TP53AIP1: variants seen among roughly 807,000 people sequenced by gnomAD.
The protein encoded by TP53AIP1 is tumor protein p53 regulated apoptosis inducing protein 1.
In TP53AIP1, 14 loss-of-function variants were observed where a neutral mutation model predicts 9.5. The observed-to-expected ratio is 1.47, with a 90% CI of 0.97 to 2.30. The LOEUF (loss-of-function observed/expected upper bound fraction) is 2.30. TP53AIP1 is among the 30% of genes most tolerant of loss of function. The pLI, the probability that TP53AIP1 is intolerant of heterozygous loss-of-function variation, is 0.00. For synonymous variants in TP53AIP1, 73 were observed against 61.2 expected (o/e 1.19, Z -0.90); for missense variants, 153 against 146.7 (o/e 1.04, Z -0.22).
In TP53AIP1 at chr11:128,937,519, G is replaced by T. The variant is rs565533064; in HGVS notation, c.141+159C>A. On this transcript the variant is annotated intron_variant, in intron 2 of 3. Coordinates refer to ENST00000531399, the MANE Select transcript of TP53AIP1 (RefSeq NM_022112.3). The surrounding 1 kb of genome is among the most constrained non-coding windows in gnomAD (Gnocchi z 4.8). Reference sequence around the variant, plus strand: ...AGTTCCCAGCTCTGTCCAATGCTCTGAACTGGGGACAGTCCGCATGCAGCT... The same window carrying T: ...AGTTCCCAGCTCTGTCCAATGCTCTTAACTGGGGACAGTCCGCATGCAGCT... 5.2e-5 allele frequency: 83 copies of T among 1,609,764 alleles called. No individual in the cohort carries two copies. In the East Asian group the frequency reaches 1.7e-3, roughly 33 times the overall value.
At chr11:128,936,103 G>C (rs1391335027) in intron 3 of TP53AIP1, 41 of 882,328 alleles carry the variant, frequency 4.6e-5, no homozygotes, top group Non-Finnish European at 5.4e-5. Flanking sequence ...AGGCAGGCCA[G>C]TTGTCCTGCC....
At position 128,936,640 on chromosome 11, in the gene TP53AIP1, G is replaced by T; in HGVS notation, c.151C>A (p.Pro51Thr). Residue 51 changes from proline to threonine, a missense_variant, in exon 3 of 4, where the codon CCC (proline) becomes ACC (threonine). By Grantham distance (38) the Pro-to-Thr change is conservative (BLOSUM62 -1). Transcript: ENST00000531399. ...QTHTPGWVSD[P>T]LVLGAQVHGG... The stretch of plus-strand genomic sequence containing the variant: ...TGAACTTGGGCACCCAAAACTAAGG[G>T]ATCTGAAACCTGAGAGGAAATGGAA... The T allele has an allele frequency of 2.5e-6, 4 of 1,583,208 alleles. No homozygotes were observed. The highest frequency in any genetic ancestry group is 3.4e-6 in the Non-Finnish European group (4 of 1,172,664).
At position 128,937,396 on chromosome 11, in the gene TP53AIP1, G is replaced by C; in HGVS notation, c.141+282C>G. On this transcript the variant is annotated intron_variant, in intron 2 of 3. Transcript: ENST00000531399. The surrounding 1 kb of genome is among the most constrained non-coding windows in gnomAD (Gnocchi z 4.8). ...GCCAGGCACCACCTTCCTTCCAAAAGCCTTGTTTCTCAGAAAACCTTTCTG... is the reference window on the plus strand; with the variant it reads ...GCCAGGCACCACCTTCCTTCCAAAACCCTTGTTTCTCAGAAAACCTTTCTG... 3.5e-6 allele frequency: 5 copies of C among 1,430,426 alleles called. No homozygotes were observed. The highest frequency in any genetic ancestry group is 4.6e-6 in the Non-Finnish European group (5 of 1,095,146). 88.6% of individuals were successfully genotyped at this position (1,430,426 alleles called of 1,614,324 possible).
rs769903713 is a variant in TP53AIP1 at position 128,937,679 on chromosome 11, C to T, written c.140G>A (p.Trp47Ter). 1 of 1,614,202 alleles carries T rather than the reference C, an allele frequency of 6.2e-7. No homozygotes were observed. ...NGRAQTHTPGWVSDPLVLGAQ... is the reference protein window; with the variant it reads ...NGRAQTHTPG ...TCGGTTTTCACTGCAGGGACTTACC[C>T]AGCCAGGTGTGTGTGTCTGAGCCCT... Residue 47 changes from tryptophan to a stop codon, truncating the protein, a stop_gained and splice_region_variant, in exon 2 of 4, where the codon TGG becomes TAG. Transcript: ENST00000531399. LOFTEE classifies it high-confidence loss of function. The surrounding 1 kb of genome is among the most constrained non-coding windows in gnomAD (Gnocchi z 4.8).
At chr11:128,938,745 C>T (rs1565331332) in intron 1 of TP53AIP1, among the ~76,000 whole-genome samples, 1 of 152,186 alleles carries the variant, frequency 6.6e-6, no homozygotes, top group African/African-American at 2.4e-5. Context: ...CCATGACCTC[C>T]AGGGGCAGCT....
Position 128,937,190 on chromosome 11 carries a change from C to A in TP53AIP1, c.141+488G>T. Reference sequence around the variant, plus strand: ...CGAGTGCGTCATCTTCATTATTGGCCACAGGAAACGACTTCTTGGAGTAAG... The same window carrying A: ...CGAGTGCGTCATCTTCATTATTGGCAACAGGAAACGACTTCTTGGAGTAAG... On this transcript the variant is annotated intron_variant, in intron 2 of 3. Transcript: ENST00000531399. This position sits in a 1 kb window ranked among gnomAD's most constrained non-coding sequence, Gnocchi z 4.8. 3.4e-6 allele frequency: 4 copies of A among 1,161,490 alleles called. No individual in the cohort carries two copies. The highest frequency in any genetic ancestry group is 3.2e-6 in the Non-Finnish European group (3 of 940,804). 71.9% of individuals were successfully genotyped at this position (1,161,490 alleles called of 1,614,324 possible).
intron 1 of TP53AIP1, among the ~76,000 whole-genome samples, chr11:128,940,026 C>T (rs1439425063): frequency 6.6e-6 from 1 of 152,056 alleles, no homozygotes; most frequent in Non-Finnish European, 1.5e-5. Context: ...ATGCACCCAG[C>T]CCCCCCTTGC....
chr11:128,936,438 A>T (rs1266937430), intron 3 of TP53AIP1, 100 bp downstream of exon 3: 29 of 1,426,042 alleles, frequency 2.0e-5, no homozygotes, highest in Non-Finnish European at 5.5e-6. Context: ...GTCAAACTCA[A>T]AAAACCCTAT....
chr11:128,936,394 T>C, intron 3 of TP53AIP1, 144 bp downstream of exon 3: 2 of 1,420,482 alleles, frequency 1.4e-6, no homozygotes, highest in Non-Finnish European at 1.8e-6. Flanking sequence ...TCTGCCATGA[T>C]GTCATTTTGT....
chr11:128,942,243 G>A (rs796735402), intron 1 of TP53AIP1, among the ~76,000 whole-genome samples: 2 of 152,176 alleles, frequency 1.3e-5, no homozygotes, highest in Non-Finnish European at 2.9e-5. Context: ...CCCACAGCTC[G>A]CGTCCTTCCT....
rs1292642158 is a variant in TP53AIP1, at chr11:128,939,641, A to T, written c.-76-1747T>A. Reference sequence around the variant, plus strand: ...ACAGAACAAAAGGGATCCCCTTTCCAACCCGAAACTGTCGGATTCTCTAAG... The same window carrying T: ...ACAGAACAAAAGGGATCCCCTTTCCTACCCGAAACTGTCGGATTCTCTAAG... On this transcript the variant is annotated intron_variant, in intron 1 of 3. Transcript: ENST00000531399. This position sits in a 1 kb window ranked among gnomAD's most constrained non-coding sequence, Gnocchi z 4.1. 6.6e-6 allele frequency among the ~76,000 whole-genome samples: 1 copy of T among 152,214 alleles called. No homozygotes were observed. Among genetic ancestry groups the T allele is most frequent in the Admixed American group, 6.5e-5 (1 of 15,284 alleles).
In TP53AIP1 at chr11:128,935,484, C is replaced by T. The variant is rs74463293; in HGVS notation, c.*107G>A. ...GGGAAATGAGGTGGCCGCTAGTCAGCGCTGGAGCCATTTCTCGACGGTGCT... is the reference window on the plus strand; with the variant it reads ...GGGAAATGAGGTGGCCGCTAGTCAGTGCTGGAGCCATTTCTCGACGGTGCT... On this transcript the variant is annotated 3_prime_UTR_variant, in exon 4 of 4. Transcript: ENST00000531399. The T allele has an allele frequency of 0.037, 54,305 of 1,474,108 alleles. 1,387 individuals carry two copies. The highest frequency in any genetic ancestry group is 0.14 in the East Asian group (5,523 of 40,172). 91.3% of individuals were successfully genotyped at this position (1,474,108 alleles called of 1,614,324 possible).
downstream of TP53AIP1, chr11:128,935,065 C>T (rs3824901): frequency 0.034 from 24,213 of 704,222 alleles, 527 homozygotes; most frequent in East Asian, 0.063. Context: ...CAAAACAAAA[C>T]CAAGCTATCA....
chr11:128,935,311 C>T, downstream of TP53AIP1: 2 of 1,419,500 alleles, frequency 1.4e-6, no homozygotes, highest in Non-Finnish European at 1.8e-6. Flanking sequence ...TGTGGAGATG[C>T]ATCGTTTTTA....
At position 128,937,134 on chromosome 11, in the gene TP53AIP1, C is replaced by A; in HGVS notation, c.142-485G>T. ...TGGGATGAATGCATGGCCCCTGCATCCTTACCCCCTCCTCAGAGCCCACAA... is the reference window on the plus strand; with the variant it reads ...TGGGATGAATGCATGGCCCCTGCATACTTACCCCCTCCTCAGAGCCCACAA... On this transcript the variant is annotated intron_variant, in intron 2 of 3. Transcript: ENST00000531399. This position sits in a 1 kb window ranked among gnomAD's most constrained non-coding sequence, Gnocchi z 4.8. 2 of 1,077,556 alleles carry A rather than the reference C, an allele frequency of 1.9e-6. No individual in the cohort carries two copies. The highest frequency in any genetic ancestry group is 2.3e-6 in the Non-Finnish European group (2 of 888,536). 66.7% of individuals were successfully genotyped at this position (1,077,556 alleles called of 1,614,324 possible).
chr11:128,942,639 T>A (rs1944970499), intron 1 of TP53AIP1, among the ~76,000 whole-genome samples, 155 bp downstream of exon 1: 1 of 152,182 alleles, frequency 6.6e-6, no homozygotes, highest in Non-Finnish European at 1.5e-5. Flanking sequence ...TTAGCTGACC[T>A]CCTCCAGGCC....
rs201165616 is a variant in TP53AIP1 at position 128,935,514 on chromosome 11, G to GTT, written c.*75_*76dup. 5,439 of 1,491,266 alleles carry GTT rather than the reference G, an allele frequency of 3.6e-3. 160 individuals are homozygous for GTT. The African/African-American group carries it at 0.063, about 17-fold the overall frequency. 92.4% of individuals were successfully genotyped at this position (1,491,266 alleles called of 1,614,324 possible). A position where few individuals can be genotyped will look rare whatever the true frequency, so the allele number is the denominator to read the frequency against. ...GAGCCATTTCTCGACGGTGCTTTCT[G>GTT]TTTGTTTGTTTGTTTTTGTTTTGAG... is the stretch of plus-strand genomic sequence containing the variant. On this transcript the variant is annotated 3_prime_UTR_variant, in exon 4 of 4. Coordinates refer to ENST00000531399, the MANE Select transcript of TP53AIP1 (RefSeq NM_022112.3).
At position 128,935,664 on chromosome 11, in the gene TP53AIP1, A is replaced by G; in HGVS notation, c.302T>C (p.Leu101Pro). ...SRPFLPGATV[L>P]RDRPLGSAFE... ...TGCTGACCCCAGTGGCCTGTCTCTA[A>G]GCACTGTGGCTCCAGGAAGGAAAGG... is the stretch of plus-strand genomic sequence containing the variant. Residue 101 changes from leucine to proline, a missense_variant, in exon 4 of 4, where the codon CTT becomes CCT. Transcript: ENST00000531399. 4 of 1,588,106 alleles carry G rather than the reference A, an allele frequency of 2.5e-6. No homozygotes were observed. Among genetic ancestry groups the G allele is most frequent in the Non-Finnish European group, 3.4e-6 (4 of 1,174,954 alleles).
intron 1 of TP53AIP1, among the ~76,000 whole-genome samples, chr11:128,938,946 G>T (rs1366495403): frequency 6.6e-6 from 1 of 152,178 alleles, no homozygotes; most frequent in Non-Finnish European, 1.5e-5. Context: ...CGTAGAGATT[G>T]TCGCTTCCCA....
Sources: allele counts gnomAD v4.1 joint callset (sites outside exome capture counted in the v4.1 genomes callset), GRCh38; gene constraint gnomAD v4.1.1; non-coding constraint Gnocchi (gnomAD v3.1); transcripts MANE v1.5; gene names NCBI Gene and HGNC (gene_info 2026-07-23, HGNC 2026-07-21).